LOXHD1: variants seen among roughly 807,000 people sequenced by gnomAD.
The protein encoded by LOXHD1 is lipoxygenase homology PLAT domains 1.
LOXHD1 carries 205 observed loss-of-function variants against 248.2 expected under a neutral mutation model. That is an observed-to-expected ratio of 0.83 (90% CI 0.74 to 0.93). The LOEUF (loss-of-function observed/expected upper bound fraction) is 0.93, where lower values mean the gene tolerates loss of function less well. Among genes scored for constraint, LOXHD1 ranks in the 40% least tolerant of loss-of-function variants. The pLI, the probability that LOXHD1 is intolerant of heterozygous loss-of-function variation, is 0.00. For missense variants in LOXHD1, 2,930 were observed against 2,971.6 expected, an observed-to-expected ratio of 0.99 and a Z score of 0.33; for synonymous variants, 1,113 against 1,162.8, an observed-to-expected ratio of 0.96 and a Z score of 0.87.
chr18:46,516,167 C>G (rs1311094092), intron 34 of LOXHD1, among the ~76,000 whole-genome samples: 1 of 152,194 alleles, frequency 6.6e-6, no homozygotes, highest in African/African-American at 2.4e-5. Context: ...AGTTCCCCTA[C>G]TTACTTGCTG....
At chr18:46,529,095 C>G in intron 29 of LOXHD1, 82 bp downstream of exon 29, 1 of 1,514,966 alleles carries the variant, frequency 6.6e-7, no homozygotes, top group Non-Finnish European at 8.9e-7. Flanking sequence ...CTGGATGTCC[C>G]CAGGAACCAA....
chr18:46,577,223 T>C (rs983107779), intron 14 of LOXHD1, among the ~76,000 whole-genome samples: 5 of 152,012 alleles, frequency 3.3e-5, no homozygotes, highest in Admixed American at 6.5e-5. Flanking sequence ...GCCCAAATGC[T>C]TAAGCAAAAA....
intron 21 of LOXHD1, among the ~76,000 whole-genome samples, chr18:46,553,803 T>A (rs928195348): frequency 6.6e-6 from 1 of 152,156 alleles, no homozygotes; most frequent in Non-Finnish European, 1.5e-5. Flanking sequence ...ACGCTAGGCC[T>A]CACTGAGAAG....
intron 21 of LOXHD1, 68 bp from the exon 22 acceptor site, chr18:46,547,126 G>C (rs1302569482): frequency 1.3e-6 from 2 of 1,528,792 alleles, no homozygotes; most frequent in African/African-American, 2.8e-5. Flanking sequence ...GCAGTCATGG[G>C]CTGAGAATGA....
At chr18:46,602,733 T>G (rs1265853520) in intron 7 of LOXHD1, among the ~76,000 whole-genome samples, 1 of 152,136 alleles carries the variant, frequency 6.6e-6, no homozygotes, top group African/African-American at 2.4e-5. Context: ...GCTTACTAGA[T>G]TCCAGGCCTT....
chr18:46,649,260 A>G lies in LOXHD1; in HGVS notation c.140T>C (p.Val47Ala). The G allele has an allele frequency of 1.3e-6, 2 of 1,551,524 alleles. No individual in the cohort carries two copies. Among genetic ancestry groups the G allele is most frequent in the Non-Finnish European group, 1.7e-6 (2 of 1,146,750 alleles). ...HEYYKARVYE[V>A]VTATGDVRGA... ...GCGAACATCCCCCGTGGCTGTGACC[A>G]CTTCATACACTGGAGGAGGAGAGGA... Residue 47 changes from valine (V) to alanine (A), a missense_variant, in exon 2 of 41, where the codon GTG becomes GCG. Coordinates refer to ENST00000642948, the MANE Select transcript of LOXHD1 (RefSeq NM_001384474.1).
intron 10 of LOXHD1, 48 bp from the exon 11 acceptor site, chr18:46,592,632 T>C (rs1016449595): frequency 4.1e-6 from 6 of 1,464,374 alleles, no homozygotes; most frequent in South Asian, 3.6e-5. Context: ...TGAAGAAATG[T>C]GTTTATTCTC....
intron 24 of LOXHD1, 73 bp from the exon 25 acceptor site, chr18:46,542,013 C>T: frequency 1.4e-6 from 2 of 1,384,226 alleles, no homozygotes; most frequent in South Asian, 1.5e-5. Context: ...ACTTCAGGGA[C>T]TCCTGACTTC....
chr18:46,479,819 T>A (rs1002167459), intron 40 of LOXHD1, among the ~76,000 whole-genome samples: 1 of 150,198 alleles, frequency 6.7e-6, no homozygotes, highest in Non-Finnish European at 1.5e-5. Context: ...CTTACACAAC[T>A]CCAGGACTTT....
intron 4 of LOXHD1, among the ~76,000 whole-genome samples, chr18:46,623,866 C>T (rs1231814855): frequency 1.3e-5 from 2 of 152,204 alleles, no homozygotes; most frequent in East Asian, 1.9e-4. Context: ...ATGAGGGGGC[C>T]GGGCCCCCTA....
At chr18:46,505,046 A>G (rs2034471989) in intron 37 of LOXHD1, among the ~76,000 whole-genome samples, 1 of 152,260 alleles carries the variant, frequency 6.6e-6, no homozygotes, top group African/African-American at 2.4e-5. Flanking sequence ...ACAGTTATAG[A>G]AATGACAAAG....
At chr18:46,478,040 A>G (rs1431267647) in intron 40 of LOXHD1, 88 bp from the exon 41 acceptor site, 37 of 1,455,570 alleles carry the variant, frequency 2.5e-5, no homozygotes, top group Non-Finnish European at 3.2e-5. Flanking sequence ...TTGCTCATCT[A>G]TAAATGATCC....
Position 46,522,100 on chromosome 18 carries a change from C to T in LOXHD1, c.5085+1G>A, listed in dbSNP as rs1418245706. ...ATCATGGGGCCCCGAGAAGCCAGCACCTCTATTTTCTTGATGATGCCCACA... is the reference window on the plus strand; with the variant it reads ...ATCATGGGGCCCCGAGAAGCCAGCATCTCTATTTTCTTGATGATGCCCACA... On this transcript the variant is annotated splice_donor_variant, in intron 32 of 40. Coordinates refer to ENST00000642948, the MANE Select transcript of LOXHD1 (RefSeq NM_001384474.1). LOFTEE classifies it high-confidence loss of function. 2 of 1,548,282 alleles carry T rather than the reference C, an allele frequency of 1.3e-6. No homozygotes were observed. The highest frequency in any genetic ancestry group is 2.7e-5 in the African/African-American group (2 of 73,072).
At chr18:46,532,499 C>T (rs995895472) in intron 28 of LOXHD1, among the ~76,000 whole-genome samples, 6 of 152,066 alleles carry the variant, frequency 3.9e-5, no homozygotes, top group African/African-American at 1.4e-4. Flanking sequence ...GAAAAGAAAC[C>T]AGCACTCTAA....
chr18:46,491,813 C>T (rs1217612523), intron 37 of LOXHD1, among the ~76,000 whole-genome samples: 1 of 152,188 alleles, frequency 6.6e-6, no homozygotes, highest in African/African-American at 2.4e-5. Flanking sequence ...TAATTCATTG[C>T]CCCCACTGCA....
At chr18:46,547,448 A>G (rs2036898389) in intron 21 of LOXHD1, among the ~76,000 whole-genome samples, 1 of 152,238 alleles carries the variant, frequency 6.6e-6, no homozygotes, top group South Asian at 2.1e-4. Context: ...TAGTAGGTGC[A>G]CAATACATAA....
intron 38 of LOXHD1, among the ~76,000 whole-genome samples, chr18:46,486,876 T>A (rs945816935): frequency 6.6e-6 from 1 of 152,196 alleles, no homozygotes; most frequent in Non-Finnish European, 1.5e-5. Flanking sequence ...TAGAAACACA[T>A]GTTGCTAGTC....
chr18:46,649,191 T>C lies in LOXHD1; in HGVS notation c.209A>G (p.Glu70Gly), dbSNP rs1599076748. 3.9e-6 allele frequency: 6 copies of C among 1,551,544 alleles called. No individual in the cohort carries two copies. In the African/African-American group the frequency reaches 4.1e-5, roughly 11 times the overall value. Reference protein sequence around the residue: ...DANVFITLFGENGLSPKLQLT... With the variant: ...DANVFITLFGGNGLSPKLQLT... ...CTGGAGCTTGGGAGAGAGCCCATTC[T>C]CTCCAAAAAGCGTGATGAAGACATT... The change falls in exon 2 of 41, where the codon GAG (glutamate) becomes GGG (glycine). Residue 70 changes from glutamate to glycine, a missense_variant. Coordinates refer to ENST00000642948, the MANE Select transcript of LOXHD1 (RefSeq NM_001384474.1).
chr18:46,610,833 C>T lies in LOXHD1; in HGVS notation c.702G>A (p.Met234Ile). The change falls in exon 6 of 41, where the codon ATG becomes ATA. Residue 234 changes from methionine to isoleucine, a missense_variant. Coordinates refer to ENST00000642948, the MANE Select transcript of LOXHD1 (RefSeq NM_001384474.1). ...ILDAPDLGQL[M>I]KINVGHNNKG... The stretch of plus-strand genomic sequence containing the variant: ...TATTGTTGTGGCCAACATTGATCTT[C>T]ATCAGCTGCCCCAAATCCGGGGCAT... 1 of 1,551,774 alleles carries T rather than the reference C, an allele frequency of 6.4e-7. No individual in the cohort carries two copies. The highest frequency in any genetic ancestry group is 8.7e-7 in the Non-Finnish European group (1 of 1,147,006).
Sources: allele counts gnomAD v4.1 joint callset (sites outside exome capture counted in the v4.1 genomes callset), GRCh38; gene constraint gnomAD v4.1.1; transcripts MANE v1.5; gene names NCBI Gene and HGNC (gene_info 2026-07-23, HGNC 2026-07-21).